Variants in ARIH1 observed in about 807,000 individuals in gnomAD.
The protein encoded by ARIH1 is ariadne RBR E3 ubiquitin protein ligase 1.
Under a neutral mutation model 85.0 loss-of-function variants are expected in ARIH1, and 8 were observed. The observed-to-expected ratio is 0.09, with a 90% CI of 0.06 to 0.17. The LOEUF is 0.17. ARIH1 is among the 10% of genes least tolerant of loss of function. The pLI is 1.00. For synonymous variants in ARIH1, 238 were observed against 253.6 expected (o/e 0.94, Z 0.59); for missense variants, 311 against 718.1 (o/e 0.43, Z 6.48).
intron 1 of ARIH1, among the ~76,000 whole-genome samples, chr15:72,479,664 C>T (rs973672342): frequency 2.0e-5 from 3 of 152,102 alleles, no homozygotes; most frequent in Non-Finnish European, 4.4e-5. Flanking sequence ...CCTTGGCCTC[C>T]CAAAGTGCTG....
chr15:72,596,582 T>C lies in ARIH1; in HGVS notation c.*13290T>C, dbSNP rs1357798382. ...CTTCTTTGGAGATTCTAGTTACATG[T>C]ATATTAGATGATTTGATATAAACCT... On this transcript the variant is annotated 3_prime_UTR_variant, in exon 14 of 14. Transcript: ENST00000379887. 1.3e-5 allele frequency: 2 copies of C among 152,214 alleles called. No individual in the cohort carries two copies. Among genetic ancestry groups the C allele is most frequent in the Non-Finnish European group, 2.9e-5 (2 of 68,046 alleles). 9.4% of individuals were successfully genotyped at this position (152,214 alleles called of 1,614,324 possible).
intron 12 of ARIH1, chr15:72,581,867 C>T (rs531251911): frequency 1.1e-4 from 43 of 394,226 alleles, no homozygotes; most frequent in Admixed American, 1.0e-3. Context: ...TGAAATCTTT[C>T]GTTCTTTTAA....
intron 3 of ARIH1, among the ~76,000 whole-genome samples, chr15:72,549,649 G>A (rs1182903349): frequency 6.6e-6 from 1 of 151,980 alleles, no homozygotes. Flanking sequence ...TAAACAAAGG[G>A]GTTTCAATTT....
At chr15:72,521,809 A>G (rs1457195578) in intron 2 of ARIH1, among the ~76,000 whole-genome samples, 1 of 152,032 alleles carries the variant, frequency 6.6e-6, no homozygotes, top group Admixed American at 6.5e-5. Context: ...TCTACCTCCC[A>G]AAGTGCTGGG....
chr15:72,474,535 C>T lies in ARIH1; in HGVS notation c.-105C>T, dbSNP rs2063785009. 7.3e-7 allele frequency: 1 copy of T among 1,372,380 alleles called. No homozygotes were observed. Among genetic ancestry groups the T allele is most frequent in the African/African-American group, 1.5e-5 (1 of 65,746 alleles). 85.0% of individuals were successfully genotyped at this position (1,372,380 alleles called of 1,614,324 possible). ...CGCGGCTCGCGGGGCCGGAGCCAGG[C>T]CTGCGTCCGGACATCAGCCGGAGCC... On this transcript the variant is annotated 5_prime_UTR_variant, in exon 1 of 14. Transcript: ENST00000379887.
chr15:72,561,428 G>C (rs199530060), intron 5 of ARIH1, 55 bp from the exon 6 acceptor site: 1 of 1,298,950 alleles, frequency 7.7e-7, no homozygotes, highest in Admixed American at 1.9e-5. Flanking sequence ...TTTTATAAAT[G>C]TGGAAAATAC....
intron 1 of ARIH1, among the ~76,000 whole-genome samples, chr15:72,477,631 A>T (rs2063799800): frequency 6.6e-6 from 1 of 152,188 alleles, no homozygotes; most frequent in African/African-American, 2.4e-5. Flanking sequence ...CAAATAAGTC[A>T]ACATTATTTT....
At chr15:72,543,900 C>G (rs986062920) in intron 2 of ARIH1, among the ~76,000 whole-genome samples, 8 of 150,634 alleles carry the variant, frequency 5.3e-5, no homozygotes, top group Admixed American at 3.3e-4. Flanking sequence ...TAAGCTGTTT[C>G]AGGAGGCCAG....
chr15:72,550,857 A>G (rs1024651409), intron 3 of ARIH1, among the ~76,000 whole-genome samples: 1 of 152,040 alleles, frequency 6.6e-6, no homozygotes, highest in Admixed American at 6.6e-5. Flanking sequence ...GTTTTAGTAG[A>G]GACAGGGTTT....
intron 5 of ARIH1, 140 bp from the exon 6 acceptor site, chr15:72,561,343 G>C (rs2064196620): frequency 1.6e-6 from 1 of 638,420 alleles, no homozygotes; most frequent in Admixed American, 3.0e-5. Context: ...TTTGTTGATA[G>C]CCTATGTGCA....
At chr15:72,500,037 G>C (rs1239056897) in intron 1 of ARIH1, among the ~76,000 whole-genome samples, 2 of 152,142 alleles carry the variant, frequency 1.3e-5, no homozygotes, top group African/African-American at 4.8e-5. Context: ...ATTTGTGCAA[G>C]ACATTGCCTT....
intron 5 of ARIH1, among the ~76,000 whole-genome samples, chr15:72,557,118 G>GTTTAATTT (rs1398822296): frequency 2.6e-5 from 4 of 151,870 alleles, no homozygotes; most frequent in African/African-American, 9.7e-5. Context: ...ATTATTTTTT[G>GTTTAATTT]TTTAATTTTT....
chr15:72,580,220 G>T (rs1338219502), intron 11 of ARIH1, among the ~76,000 whole-genome samples: 1 of 152,150 alleles, frequency 6.6e-6, no homozygotes, highest in Non-Finnish European at 1.5e-5. Context: ...ATTTCACTTA[G>T]TGTAATGTCC....
chr15:72,520,489 T>C (rs149604761), intron 2 of ARIH1, among the ~76,000 whole-genome samples: 4 of 152,238 alleles, frequency 2.6e-5, no homozygotes, highest in African/African-American at 9.6e-5. Flanking sequence ...AAAAAACTAT[T>C]ATCTTTTAAT....
intron 2 of ARIH1, among the ~76,000 whole-genome samples, chr15:72,542,581 A>C (rs139849721): frequency 2.6e-5 from 4 of 152,344 alleles, no homozygotes; most frequent in African/African-American, 9.6e-5. Context: ...CTACAGTGGA[A>C]TATTGTGCAA....
chr15:72,513,344 C>A (rs2063958224), intron 1 of ARIH1, among the ~76,000 whole-genome samples: 1 of 152,128 alleles, frequency 6.6e-6, no homozygotes, highest in African/African-American at 2.4e-5. Flanking sequence ...TATAATCTAA[C>A]TCTTGACATT....
chr15:72,476,948 A>G (rs981809645), intron 1 of ARIH1, among the ~76,000 whole-genome samples: 1 of 152,174 alleles, frequency 6.6e-6, no homozygotes, highest in Admixed American at 6.6e-5. Context: ...TATTTAATCA[A>G]TCTGTTATTT....
intron 2 of ARIH1, among the ~76,000 whole-genome samples, chr15:72,527,008 ATCTG>A (rs2064032353): frequency 6.6e-6 from 1 of 152,184 alleles, no homozygotes; most frequent in Non-Finnish European, 1.5e-5. Context: ...AACAACTGTT[ATCTG>A]TCAAGTCTTC....
intron 9 of ARIH1, among the ~76,000 whole-genome samples, chr15:72,568,490 G>A (rs1423819955): frequency 1.3e-5 from 2 of 152,158 alleles, no homozygotes; most frequent in Non-Finnish European, 2.9e-5. Flanking sequence ...GCTTGAATAT[G>A]TTTGGCTTAG....
Sources: gnomAD v4.1 joint callset for allele counts (sites outside exome capture counted in the v4.1 genomes callset) on GRCh38, gnomAD v4.1.1 for gene constraint, MANE v1.5 for transcripts, NCBI Gene and HGNC (gene_info 2026-07-23, HGNC 2026-07-21) for gene names.